Variants in CTNNA3 observed in about 807,000 individuals in gnomAD.
CTNNA3 encodes catenin alpha 3, also known as catenin alpha-3.
Under a neutral mutation model 95.7 loss-of-function variants are expected in CTNNA3, and 76 were observed. That is an observed-to-expected ratio of 0.79 (90% CI 0.66 to 0.96). The LOEUF (loss-of-function observed/expected upper bound fraction) is 0.96, where lower values mean the gene tolerates loss of function less well. CTNNA3 is among the 40% of genes least tolerant of loss of function. The pLI is 0.00. For missense variants in CTNNA3, 1,191 were observed against 1,089.8 expected (o/e 1.09, Z -1.31); for synonymous variants, 431 against 374.4 (o/e 1.15, Z -1.74).
intron 7 of CTNNA3, among the ~76,000 whole-genome samples, chr10:67,088,791 C>A (rs190202683): frequency 9.9e-4 from 151 of 152,134 alleles, no homozygotes; most frequent in Non-Finnish European, 1.7e-3. Flanking sequence ...TCGTTACAGA[C>A]ACTTGAAAAT....
At chr10:67,151,091 A>AGGAGG (rs1861069213) in intron 7 of CTNNA3, among the ~76,000 whole-genome samples, 1 of 152,156 alleles carries the variant, frequency 6.6e-6, no homozygotes, top group South Asian at 2.1e-4. Context: ...ATTTCCTCCT[A>AGGAGG]AAACTAAAAA....
chr10:67,126,376 A>G (rs1859720225), intron 7 of CTNNA3, among the ~76,000 whole-genome samples: 1 of 152,184 alleles, frequency 6.6e-6, no homozygotes, highest in Non-Finnish European at 1.5e-5. Flanking sequence ...AAAATACAAA[A>G]GTCAGCTGGG....
chr10:66,256,764 C>T (rs188018097), intron 13 of CTNNA3, among the ~76,000 whole-genome samples: 37 of 152,056 alleles, frequency 2.4e-4, no homozygotes, highest in African/African-American at 8.2e-4. Flanking sequence ...ATGCCGTCGC[C>T]AACTAATTAC....
At position 66,777,319 on chromosome 10, in the gene CTNNA3, G is replaced by GT. The variant is rs199706456; in HGVS notation, c.1048-1796dup. Among the ~76,000 whole-genome samples, 883 of 151,900 alleles carry GT rather than the reference G, an allele frequency of 5.8e-3. 6 individuals are homozygous for GT. The highest frequency in any genetic ancestry group is 0.02 in the African/African-American group (837 of 41,214). On this transcript the variant is annotated intron_variant, in intron 7 of 17. Coordinates refer to ENST00000433211, the MANE Select transcript of CTNNA3 (RefSeq NM_013266.4). ...TATAGGAAGACACAGTAGAAGGCCA[G>GT]TAAGTCTTTACCATGTTTTAGTTTC...
intron 5 of CTNNA3, among the ~76,000 whole-genome samples, chr10:67,262,324 T>C (rs905186890): frequency 1.3e-5 from 2 of 152,176 alleles, no homozygotes; most frequent in Non-Finnish European, 2.9e-5. Flanking sequence ...GGTGATTTTC[T>C]TGACTTTTCT....
In CTNNA3 at chr10:65,915,231, T is replaced by C. The variant is rs2076991566; in HGVS notation, c.*5099A>G. ...AGTCAGGAGAATGGCTGAATTTCTG[T>C]TTCTCAACTTGCAAACAATATTACT... is the stretch of plus-strand genomic sequence containing the variant. On this transcript the variant is annotated 3_prime_UTR_variant, in exon 18 of 18. Coordinates refer to ENST00000433211, the MANE Select transcript of CTNNA3 (RefSeq NM_013266.4). 6.6e-6 allele frequency: 1 copy of C among 152,114 alleles called. No homozygotes were observed. Among genetic ancestry groups the C allele is most frequent in the South Asian group, 2.1e-4 (1 of 4,818 alleles). The allele number at this position is 152,114 out of a possible 1,614,324, so 9.4% of individuals were successfully genotyped here.
rs1478895396 is a variant in CTNNA3, at chr10:66,327,731, AAG to A, written c.1733-47112_1733-47111del. Among the ~76,000 whole-genome samples, 13 of 152,056 alleles carry A rather than the reference AAG, an allele frequency of 8.5e-5. 1 individual carries two copies. The highest frequency in any genetic ancestry group is 1.5e-4 in the Non-Finnish European group (10 of 67,930). ...TCCATTGTGTATATTGATATTTAGA[AAG>A]AGAGTGTGAAAAGAATTGTGATTGG... On this transcript the variant is annotated intron_variant, in intron 12 of 17. Coordinates refer to ENST00000433211, the MANE Select transcript of CTNNA3 (RefSeq NM_013266.4).
chr10:66,453,822 TTAATATAATATTAAATACCTG>T (rs1308685261), intron 11 of CTNNA3, among the ~76,000 whole-genome samples: 1 of 152,170 alleles, frequency 6.6e-6, no homozygotes, highest in African/African-American at 2.4e-5. Flanking sequence ...ACAAAGCCTC[TTAATATAATATTAAATACCTG>T]TAGATACTTT....
rs545928580 is a variant in CTNNA3 at position 67,027,374 on chromosome 10, G to A, written c.1047+152943C>T. ...ATTCCTGGATTACTTTAATGACTCA[G>A]AAAATATTAAATACCTATATTTCTG... On this transcript the variant is annotated intron_variant, in intron 7 of 17. Coordinates refer to ENST00000433211, the MANE Select transcript of CTNNA3 (RefSeq NM_013266.4). Among the ~76,000 whole-genome samples, 3 of 151,212 alleles carry A rather than the reference G, an allele frequency of 2.0e-5. No homozygotes were observed. The South Asian group carries it at 6.3e-4, about 32-fold the overall frequency.
chr10:66,305,383 A>T (rs1284252194), intron 12 of CTNNA3, among the ~76,000 whole-genome samples: 1 of 152,188 alleles, frequency 6.6e-6, no homozygotes, highest in East Asian at 1.9e-4. Context: ...GACACATGAA[A>T]AACTGAAAAG....
At chr10:66,108,351 C>G (rs2081987630) in intron 13 of CTNNA3, among the ~76,000 whole-genome samples, 1 of 152,038 alleles carries the variant, frequency 6.6e-6, no homozygotes, top group South Asian at 2.1e-4. Flanking sequence ...GACCCCTTTT[C>G]TCCTCCTCAA....
chr10:67,412,573 A>G (rs989261219), intron 5 of CTNNA3, among the ~76,000 whole-genome samples: 4 of 152,098 alleles, frequency 2.6e-5, no homozygotes, highest in South Asian at 2.1e-4. Context: ...ACCAAGATCA[A>G]TGCAAAAGAA....
chr10:66,159,257 C>A (rs2084712703), intron 13 of CTNNA3, among the ~76,000 whole-genome samples: 1 of 152,030 alleles, frequency 6.6e-6, no homozygotes, highest in Non-Finnish European at 1.5e-5. Flanking sequence ...GGAATTCTTT[C>A]AACTTTTCCC....
intron 13 of CTNNA3, among the ~76,000 whole-genome samples, chr10:66,210,428 TC>T (rs1202912875): frequency 1.3e-5 from 2 of 151,916 alleles, no homozygotes; most frequent in Non-Finnish European, 2.9e-5. Context: ...TACTTTTTAA[TC>T]CTGACAGGAA....
chr10:66,456,157 C>T (rs969266702), intron 11 of CTNNA3, among the ~76,000 whole-genome samples: 1 of 152,070 alleles, frequency 6.6e-6, no homozygotes, highest in Non-Finnish European at 1.5e-5. Flanking sequence ...AAAATCCCAG[C>T]AGAACTTTAT....
Position 67,483,196 on chromosome 10 carries a change from G to A in CTNNA3, c.579+38646C>T, listed in dbSNP as rs528300886. ...ACTGTAAACTAGTTCAACCACTGTGGAAGTCAGTGTGGAGATTCCTCAGGG... is the reference window on the plus strand; with the variant it reads ...ACTGTAAACTAGTTCAACCACTGTGAAAGTCAGTGTGGAGATTCCTCAGGG... On this transcript the variant is annotated intron_variant, in intron 5 of 17. Transcript: ENST00000433211. 1.1e-3 allele frequency among the ~76,000 whole-genome samples: 167 copies of A among 151,900 alleles called. 2 individuals carry two copies. Among genetic ancestry groups the A allele is most frequent in the African/African-American group, 3.7e-3 (152 of 41,270 alleles).
chr10:65,960,539 AG>A (rs2133238273), intron 17 of CTNNA3, among the ~76,000 whole-genome samples: 1 of 152,238 alleles, frequency 6.6e-6, no homozygotes, highest in Admixed American at 6.5e-5. Flanking sequence ...ACAAAAAAAA[AG>A]ATTCAGGGGG....
intron 9 of CTNNA3, among the ~76,000 whole-genome samples, chr10:66,685,657 A>C (rs71492502): frequency 0.55 from 83,188 of 150,504 alleles, 23,680 homozygotes; most frequent in African/African-American, 0.68. Context: ...CAGGCATGAG[A>C]CACCGCACCA....
At chr10:67,115,263 T>C (rs1859116297) in intron 7 of CTNNA3, among the ~76,000 whole-genome samples, 2 of 150,984 alleles carry the variant, frequency 1.3e-5, no homozygotes, top group African/African-American at 4.9e-5. Flanking sequence ...ATGAGGGAAA[T>C]AAAAATGAGA....
Sources: allele counts gnomAD v4.1 joint callset (sites outside exome capture counted in the v4.1 genomes callset), GRCh38; gene constraint gnomAD v4.1.1; transcripts MANE v1.5; gene names NCBI Gene and HGNC (gene_info 2026-07-23, HGNC 2026-07-21).